Variants in PCM1 observed in about 807,000 individuals in gnomAD.
PCM1 encodes pericentriolar material 1, also known as pericentriolar material 1 protein.
PCM1 carries 157 observed loss-of-function variants against 241.9 expected under a neutral mutation model. The observed-to-expected ratio is 0.65, with a 90% CI of 0.57 to 0.74. PCM1 has a LOEUF of 0.74. Ranked by LOEUF, PCM1 falls within the 30% of genes least tolerant of loss-of-function variation. PCM1 has a pLI of 0.00. For synonymous variants in PCM1, 1,085 were observed against 784.9 expected (o/e 1.38, Z -6.39); for missense variants, 3,478 against 2,360.1 (o/e 1.47, Z -9.81).
At chr8:17,976,112 A>G (rs2078683086) in intron 23 of PCM1, among the ~76,000 whole-genome samples, 1 of 152,180 alleles carries the variant, frequency 6.6e-6, no homozygotes, top group Admixed American at 6.5e-5. Flanking sequence ...ACACTAATGA[A>G]GATGGACATG....
intron 29 of PCM1, among the ~76,000 whole-genome samples, chr8:17,998,912 G>A (rs1013885299): frequency 1.1e-4 from 16 of 152,086 alleles, no homozygotes; most frequent in Non-Finnish European, 2.2e-4. Flanking sequence ...CTTTCCATAA[G>A]CAAAGGAGTC....
At chr8:18,003,749 A>G (rs1228216852) in intron 29 of PCM1, among the ~76,000 whole-genome samples, 2 of 152,242 alleles carry the variant, frequency 1.3e-5, no homozygotes, top group East Asian at 3.9e-4. Flanking sequence ...ATTTCCTGTT[A>G]CTTATAAATA....
At chr8:18,025,489 T>C in intron 37 of PCM1, 36 bp downstream of exon 37, 1 of 1,517,110 alleles carries the variant, frequency 6.6e-7, no homozygotes, top group Non-Finnish European at 9.1e-7. Flanking sequence ...TGTCTTTACA[T>C]AACAAATACT....
At chr8:17,969,840 C>A (rs551868867) in intron 22 of PCM1, 92 bp downstream of exon 22, 3 of 951,156 alleles carry the variant, frequency 3.2e-6, no homozygotes, top group Non-Finnish European at 4.8e-6. Context: ...CTAGGGAGGA[C>A]GTTTGTGATG....
intron 34 of PCM1, among the ~76,000 whole-genome samples, chr8:18,013,198 C>T (rs533847647): frequency 6.6e-6 from 1 of 152,124 alleles, no homozygotes; most frequent in East Asian, 1.9e-4. Flanking sequence ...TATTCTGAAG[C>T]TAGATTGGGA....
intron 2 of PCM1, among the ~76,000 whole-genome samples, chr8:17,928,488 A>C (rs1361032790): frequency 6.6e-6 from 1 of 151,854 alleles, no homozygotes; most frequent in Non-Finnish European, 1.5e-5. Flanking sequence ...TCAATTAAAG[A>C]GATGTTCTTC....
At chr8:17,948,005 A>C (rs1451063561) in intron 7 of PCM1, among the ~76,000 whole-genome samples, 1 of 152,164 alleles carries the variant, frequency 6.6e-6, no homozygotes, top group African/African-American at 2.4e-5. Flanking sequence ...CTTCAAACTT[A>C]TTTTAGTTTC....
In PCM1 at chr8:17,953,032, C is replaced by A. The variant is rs2066673602; in HGVS notation, c.1134C>A (p.Ser378=). 1 of 1,608,366 alleles carries A rather than the reference C, an allele frequency of 6.2e-7. No homozygotes were observed. The highest frequency in any genetic ancestry group is 1.3e-5 in the African/African-American group (1 of 74,792). The change falls in exon 9 of 39, where the codon TCC becomes TCA. Residue 378 remains serine (S), a synonymous_variant. Transcript: ENST00000325083. Reference sequence around the variant, plus strand: ...GTCTTTCATTAACTAGGGAGGTTTCCCAGAGCAGGAAACCATCAGCTTCAG... The same window carrying A: ...GTCTTTCATTAACTAGGGAGGTTTCACAGAGCAGGAAACCATCAGCTTCAG... ...AESLSLTREV[S]QSRKPSASER... is the part of the protein sequence containing the mutation.
chr8:17,970,293 ATC>A (rs1384314534), intron 22 of PCM1, among the ~76,000 whole-genome samples: 4 of 152,110 alleles, frequency 2.6e-5, no homozygotes, highest in South Asian at 2.1e-4. Flanking sequence ...TGTCAGATGT[ATC>A]TCTCTGATTG....
Position 17,985,510 on chromosome 8 carries a change from C to T in PCM1, c.4172C>T (p.Thr1391Ile), listed in dbSNP as rs1348360068. The change falls in exon 25 of 39, where the codon ACA becomes ATA. Residue 1391 changes from threonine to isoleucine, a missense_variant. Thr to Ile is a moderately conservative substitution (Grantham distance 89, BLOSUM62 -1). Transcript: ENST00000325083. ...GATACTATTTATTCTGAAGTAGCTA[C>T]ATTAATTTCTCAAAATGAATCTCGT... is the stretch of plus-strand genomic sequence containing the variant. ...LRDTIYSEVA[T>I]LISQNESRPH... 1 of 1,576,966 alleles carries T rather than the reference C, an allele frequency of 6.3e-7. No homozygotes were observed. Among genetic ancestry groups the T allele is most frequent in the East Asian group, 2.3e-5 (1 of 43,972 alleles).
chr8:18,006,327 T>G lies in PCM1; in HGVS notation c.4892T>G (p.Leu1631Arg). 3 of 1,613,110 alleles carry G rather than the reference T, an allele frequency of 1.9e-6. No homozygotes were observed. Among genetic ancestry groups the G allele is most frequent in the Middle Eastern group, 1.7e-4 (1 of 6,060 alleles). ...LTSVRRMVLTLTQQNDESKEF... is the reference protein window; with the variant it reads ...LTSVRRMVLTRTQQNDESKEF... Reference sequence around the variant, plus strand: ...TCAGTAAGGCGCATGGTTTTGACCCTTACCCAGCAAAATGATGAGAGCAAA... The same window carrying G: ...TCAGTAAGGCGCATGGTTTTGACCCGTACCCAGCAAAATGATGAGAGCAAA... Residue 1631 changes from leucine to arginine, a missense_variant, in exon 30 of 39, where the codon CTT (leucine) becomes CGT (arginine). Transcript: ENST00000325083.
intron 7 of PCM1, among the ~76,000 whole-genome samples, chr8:17,949,146 A>C (rs2065039152): frequency 2.0e-5 from 3 of 152,212 alleles, no homozygotes; most frequent in Admixed American, 2.0e-4. Flanking sequence ...TTTGAACTTC[A>C]TACTATTTCA....
chr8:17,926,432 A>G (rs1585360992), intron 2 of PCM1: 1 of 152,254 alleles, frequency 6.6e-6, no homozygotes, highest in Non-Finnish European at 1.5e-5. Flanking sequence ...TGACTACTAC[A>G]GATAAAACAG....
intron 2 of PCM1, chr8:17,926,202 G>A (rs2056882549): frequency 6.6e-6 from 1 of 152,028 alleles, no homozygotes; most frequent in Admixed American, 6.5e-5. Context: ...TGGATAAGAC[G>A]AATAAAAATA....
At chr8:18,006,770 A>AGACC (rs2091448836) in intron 30 of PCM1, among the ~76,000 whole-genome samples, 2 of 152,326 alleles carry the variant, frequency 1.3e-5, no homozygotes, top group Admixed American at 1.3e-4. Context: ...TGGAAGCCAG[A>AGACC]GACCAGCTGG....
intron 2 of PCM1, chr8:17,925,128 CCT>C (rs1323514690): frequency 6.6e-6 from 1 of 152,324 alleles, no homozygotes; most frequent in East Asian, 1.9e-4. Context: ...CAAGTTCTCT[CCT>C]ACAACATTCC....
At chr8:17,956,330 A>G (rs1174644827) in intron 10 of PCM1, among the ~76,000 whole-genome samples, 2 of 152,140 alleles carry the variant, frequency 1.3e-5, no homozygotes, top group Non-Finnish European at 2.9e-5. Flanking sequence ...TGCTATTAAC[A>G]TTTACACCTG....
At chr8:18,015,996 C>T (rs1368777769) in intron 36 of PCM1, among the ~76,000 whole-genome samples, 1 of 152,210 alleles carries the variant, frequency 6.6e-6, no homozygotes, top group Non-Finnish European at 1.5e-5. Flanking sequence ...TCAGGTGATT[C>T]TCCTGCCTCA....
At chr8:18,022,862 A>T (rs2093869363) in intron 36 of PCM1, among the ~76,000 whole-genome samples, 1 of 152,228 alleles carries the variant, frequency 6.6e-6, no homozygotes, top group Non-Finnish European at 1.5e-5. Context: ...TCTAGAGGCA[A>T]ATGGAATACC....
Sources: allele counts gnomAD v4.1 joint callset (sites outside exome capture counted in the v4.1 genomes callset), GRCh38; gene constraint gnomAD v4.1.1; transcripts MANE v1.5; gene names NCBI Gene and HGNC (gene_info 2026-07-23, HGNC 2026-07-21).